ATP2B4: variants seen among roughly 807,000 people sequenced by gnomAD.
ATP2B4 encodes ATPase plasma membrane Ca2+ transporting 4.
A neutral mutation model predicts 110.3 loss-of-function variants in ATP2B4; 39 were observed. That is an observed-to-expected ratio of 0.35 (90% CI 0.27 to 0.46). The LOEUF (loss-of-function observed/expected upper bound fraction) is 0.46. Ranked by LOEUF, ATP2B4 falls within the 20% of genes least tolerant of loss-of-function variation. ATP2B4 has a pLI of 1.00. For missense variants in ATP2B4, 1,135 were observed against 1,530.9 expected, an observed-to-expected ratio of 0.74 and a Z score of 4.32; for synonymous variants, 538 against 571.7, an observed-to-expected ratio of 0.94 and a Z score of 0.84.
intron 20 of ATP2B4, among the ~76,000 whole-genome samples, chr1:203,734,705 C>CAAA (rs35242931): frequency 8.1e-6 from 1 of 123,648 alleles, no homozygotes. Context: ...GACTCCATCT[C>CAAA]AAAAAAAAAA....
intron 20 of ATP2B4, among the ~76,000 whole-genome samples, chr1:203,735,411 T>A (rs1019983903): frequency 2.0e-5 from 3 of 151,820 alleles, no homozygotes; most frequent in Non-Finnish European, 4.4e-5. Context: ...TGGGAAGGAG[T>A]TTATCTGTAT....
intron 1 of ATP2B4, among the ~76,000 whole-genome samples, chr1:203,659,901 G>A (rs1363228280): frequency 2.0e-5 from 3 of 152,040 alleles, no homozygotes; most frequent in Non-Finnish European, 1.5e-5. Context: ...GGCCAAAATG[G>A]TGAAATCCTG....
intron 1 of ATP2B4, among the ~76,000 whole-genome samples, chr1:203,650,055 T>C (rs960794279): frequency 1.3e-5 from 2 of 152,194 alleles, no homozygotes; most frequent in African/African-American, 2.4e-5. Flanking sequence ...CCTTCCATGG[T>C]GATGTAAACG....
At chr1:203,637,930 C>T (rs1359332489) in intron 1 of ATP2B4, among the ~76,000 whole-genome samples, 1 of 152,170 alleles carries the variant, frequency 6.6e-6, no homozygotes. Flanking sequence ...GGAACACACA[C>T]TTGAAATCTC....
At chr1:203,630,598 G>A (rs1274978035) in intron 1 of ATP2B4, among the ~76,000 whole-genome samples, 2 of 152,068 alleles carry the variant, frequency 1.3e-5, no homozygotes, top group Non-Finnish European at 2.9e-5. Context: ...ACCTTGAAGG[G>A]GAACACCCCA....
chr1:203,680,621 A>AAGAAG (rs1553247024), intron 1 of ATP2B4, among the ~76,000 whole-genome samples: 1 of 145,158 alleles, frequency 6.9e-6, no homozygotes, highest in Non-Finnish European at 1.5e-5. Context: ...AAAAAAAAGA[A>AAGAAG]AAAAAAGATC....
rs777594464 is a variant in ATP2B4, at chr1:203,739,694, A to G, written c.3458A>G (p.Glu1153Gly). 6.2e-7 allele frequency: 1 copy of G among 1,614,164 alleles called. No homozygotes were observed. The highest frequency in any genetic ancestry group is 2.2e-5 in the East Asian group (1 of 44,878). The change falls in exon 21 of 21, where the codon GAG (glutamate) becomes GGG (glycine). Residue 1153 changes from glutamate to glycine, a missense_variant. Coordinates refer to ENST00000357681, the MANE Select transcript of ATP2B4 (RefSeq NM_001684.5). ...ACACCACTCCTGGATGAGGAAGAGG[A>G]GGAAAATCCTGACAAGGCTTCTAAG... ...PRTPLLDEEE[E>G]ENPDKASKFG... is the part of the protein sequence containing the mutation.
Position 203,739,954 on chromosome 1 carries a change from CTG to C in ATP2B4, c.*104_*105del, listed in dbSNP as rs1666965232. 9.4e-6 allele frequency: 12 copies of C among 1,272,132 alleles called. No individual in the cohort carries two copies. The highest frequency in any genetic ancestry group is 2.8e-4 in the Middle Eastern group (1 of 3,618). 78.8% of individuals were successfully genotyped at this position (1,272,132 alleles called of 1,614,324 possible). On this transcript the variant is annotated 3_prime_UTR_variant, in exon 21 of 21. Transcript: ENST00000357681. ...GGACTTTTCATTGTCACGTCAGCTG[CTG>C]TGTTAACAGCAGTGTGTGTGAAGTG...
chr1:203,662,777 T>C (rs1021304513), intron 1 of ATP2B4, among the ~76,000 whole-genome samples: 1 of 152,186 alleles, frequency 6.6e-6, no homozygotes, highest in African/African-American at 2.4e-5. Context: ...ATGAAGAGAA[T>C]AGCCTACTCT....
intron 1 of ATP2B4, chr1:203,657,566 T>A: frequency 1.1e-6 from 1 of 889,930 alleles, no homozygotes; most frequent in Admixed American, 1.8e-5. Context: ...TCTTTTTCAT[T>A]TGTATTTTCT....
intron 2 of ATP2B4, among the ~76,000 whole-genome samples, chr1:203,686,685 C>CTTTTTTTTT (rs779048789): frequency 0.01 from 440 of 42,722 alleles, 26 homozygotes; most frequent in East Asian, 0.015. Flanking sequence ...TCTTTTCTTT[C>CTTTTTTTTT]TTTTTTTTTT....
intron 1 of ATP2B4, among the ~76,000 whole-genome samples, chr1:203,638,810 C>G (rs193251160): frequency 4.1e-4 from 62 of 152,284 alleles, no homozygotes; most frequent in African/African-American, 1.2e-3. Flanking sequence ...AAGACAGATT[C>G]TAGAAACCAT....
At chr1:203,638,623 G>A (rs1663534574) in intron 1 of ATP2B4, among the ~76,000 whole-genome samples, 1 of 152,022 alleles carries the variant, frequency 6.6e-6, no homozygotes, top group African/African-American at 2.4e-5. Flanking sequence ...GCAGAGGTGG[G>A]GGTACAGCCT....
intron 2 of ATP2B4, among the ~76,000 whole-genome samples, chr1:203,692,493 G>C (rs1665411957): frequency 6.6e-6 from 1 of 152,168 alleles, no homozygotes; most frequent in Non-Finnish European, 1.5e-5. Flanking sequence ...TCCTTTTAAG[G>C]AAGGACTTAA....
Position 203,722,501 on chromosome 1 carries a change from AGTG to A in ATP2B4, c.2838_2840del (p.Ser946_Gly947delinsArg). 6.2e-7 allele frequency: 1 copy of A among 1,614,016 alleles called. No homozygotes were observed. Among genetic ancestry groups the A allele is most frequent in the Non-Finnish European group, 8.5e-7 (1 of 1,179,848 alleles). On this transcript the variant is annotated inframe_deletion, in exon 18 of 21. Transcript: ENST00000357681. ...AGGTGAGAAATTCTTTGATATTGAT[AGTG>A]GGAGGAAGGCACCTCTACATTCACC...
intron 1 of ATP2B4, among the ~76,000 whole-genome samples, chr1:203,667,455 T>C (rs990104146): frequency 6.6e-6 from 1 of 152,260 alleles, no homozygotes; most frequent in African/African-American, 2.4e-5. Flanking sequence ...TTATTTTTCC[T>C]GTGCTCTTTT....
chr1:203,700,083 T>C (rs1377358868), intron 4 of ATP2B4, 123 bp from the exon 5 acceptor site: 1 of 1,196,622 alleles, frequency 8.4e-7, no homozygotes, highest in African/African-American at 1.5e-5. Context: ...CTCTCGGCCA[T>C]TGCTGTCTAG....
Position 203,707,878 on chromosome 1 carries a change from A to G in ATP2B4, c.1331A>G (p.Asn444Ser), listed in dbSNP as rs1417024571. 6.2e-7 allele frequency: 1 copy of G among 1,614,176 alleles called. No individual in the cohort carries two copies. Among genetic ancestry groups the G allele is most frequent in the Non-Finnish European group, 8.5e-7 (1 of 1,180,004 alleles). Residue 444 changes from asparagine to serine, a missense_variant, in exon 10 of 21, where the codon AAT becomes AGT. Asn to Ser is a conservative substitution (Grantham distance 46). This residue lies in a region of ATP2B4 where 368 missense variants were observed against 455.9 expected (regional missense o/e 0.81). Coordinates refer to ENST00000357681, the MANE Select transcript of ATP2B4 (RefSeq NM_001684.5). ...CCTTTGTAGAAAATGATGAAAGACA[A>G]TAACCTAGTACGGCACTTGGATGCT... ...AYSVKKMMKD[N>S]NLVRHLDACE...
chr1:203,709,455 T>C lies in ATP2B4; in HGVS notation c.1712T>C (p.Val571Ala), dbSNP rs958195796. ...TACAAGGTGTACACCTTTAACTCAG[T>C]GCGCAAGTCAATGAGCACCGTCATC... ...KLYKVYTFNSVRKSMSTVIRN... is the reference protein window; with the variant it reads ...KLYKVYTFNSARKSMSTVIRN... Residue 571 changes from valine to alanine, a missense_variant, in exon 11 of 21, where the codon GTG becomes GCG. This residue lies in a region of ATP2B4 where 368 missense variants were observed against 455.9 expected (regional missense o/e 0.81). Coordinates refer to ENST00000357681, the MANE Select transcript of ATP2B4 (RefSeq NM_001684.5). The C allele has an allele frequency of 6.2e-7, 1 of 1,614,228 alleles. No homozygotes were observed.
Sources: allele counts gnomAD v4.1 joint callset (sites outside exome capture counted in the v4.1 genomes callset), GRCh38; gene constraint gnomAD v4.1.1; regional missense constraint gnomAD v4.1.1; transcripts MANE v1.5; gene names NCBI Gene and HGNC (gene_info 2026-07-23, HGNC 2026-07-21).